Variants in PEPD observed in about 807,000 individuals in gnomAD.
PEPD encodes peptidase D.
PEPD carries 53 observed loss-of-function variants against 60.7 expected under a neutral mutation model. That is an observed-to-expected ratio of 0.87 (90% confidence interval 0.70 to 1.10). The LOEUF (loss-of-function observed/expected upper bound fraction) is 1.10. Ranked by LOEUF, PEPD falls within the 50% of genes least tolerant of loss-of-function variation. The probability of loss-of-function intolerance (pLI) is 0.00; values close to 1 mark genes in which losing one functional copy is unlikely to be tolerated. For missense variants in PEPD, 711 were observed against 711.9 expected, an observed-to-expected ratio of 1.00 and a Z score of 0.01; for synonymous variants, 267 against 284.1, an observed-to-expected ratio of 0.94 and a Z score of 0.60.
intron 9 of PEPD, among the ~76,000 whole-genome samples, chr19:33,442,060 C>A (rs1969488330): frequency 6.6e-6 from 1 of 152,194 alleles, no homozygotes; most frequent in African/African-American, 2.4e-5. Flanking sequence ...TGATCTTGGA[C>A]AGGTTACTGA....
chr19:33,398,968 C>T (rs542090716), intron 12 of PEPD, among the ~76,000 whole-genome samples: 4 of 152,306 alleles, frequency 2.6e-5, no homozygotes, highest in African/African-American at 9.6e-5. Flanking sequence ...TATATTCATA[C>T]TCAGGGGTGG....
chr19:33,498,276 T>C (rs1970645999), intron 4 of PEPD, among the ~76,000 whole-genome samples: 1 of 152,174 alleles, frequency 6.6e-6, no homozygotes, highest in Non-Finnish European at 1.5e-5. Flanking sequence ...AAAGAGATTC[T>C]AGCCTTTGAA....
intron 9 of PEPD, among the ~76,000 whole-genome samples, chr19:33,440,537 C>A (rs1204631553): frequency 6.6e-6 from 1 of 152,086 alleles, no homozygotes; most frequent in East Asian, 1.9e-4. Flanking sequence ...TCAGTCCTCT[C>A]CTCTGCCCGA....
chr19:33,390,603 G>T lies in PEPD; in HGVS notation c.1152+692C>A, dbSNP rs1301427360. Among the ~76,000 whole-genome samples the T allele has an allele frequency of 2.7e-5, 4 of 148,272 alleles. No homozygotes were observed. The East Asian group carries it at 7.7e-4, about 29-fold the overall frequency. On this transcript the variant is annotated intron_variant, in intron 13 of 14. Transcript: ENST00000244137. ...CAGCCCGCCAAGGGCAGGGATGGGA[G>T]CGCCCCAGCCGCCCAGCCGAGAGGC...
rs1005475390 is a variant in PEPD, at chr19:33,463,048, G to A, written c.625-7C>T. ...CTTTTACAGCCTTCATTACCTGGAG[G>A]ACGGATATTAAGCAAAGACATTTGT... On this transcript the variant is annotated splice_polypyrimidine_tract_variant and splice_region_variant and intron_variant, in intron 8 of 14. Transcript: ENST00000244137. The A allele has an allele frequency of 1.9e-6, 3 of 1,563,914 alleles. No individual in the cohort carries two copies. The highest frequency in any genetic ancestry group is 2.6e-6 in the Non-Finnish European group (3 of 1,134,308).
chr19:33,413,599 C>T lies in PEPD; in HGVS notation c.716G>A (p.Ser239Asn). 1 of 1,585,832 alleles carries T rather than the reference C, an allele frequency of 6.3e-7. No individual in the cohort carries two copies. Among genetic ancestry groups the T allele is most frequent in the Non-Finnish European group, 8.6e-7 (1 of 1,165,498 alleles). ...CCTGCCGCAGATGCAGGTGTAGGAG[C>T]TGTGGCGCATGCCGCCCCGGGAGTA... ...YCYSRGGMRH[S>N]SYTCICGSGE... Residue 239 changes from serine (S) to asparagine (N), a missense_variant, in exon 10 of 15, where the codon AGC becomes AAC. Transcript: ENST00000244137.
At chr19:33,516,192 C>T (rs1179200781) in intron 1 of PEPD, among the ~76,000 whole-genome samples, 2 of 152,086 alleles carry the variant, frequency 1.3e-5, no homozygotes, top group Non-Finnish European at 2.9e-5. Context: ...TGGCATAAAC[C>T]AAGCCCCCAG....
chr19:33,519,111 G>T (rs1209081332), intron 1 of PEPD, among the ~76,000 whole-genome samples: 1 of 152,112 alleles, frequency 6.6e-6, no homozygotes, highest in Non-Finnish European at 1.5e-5. Flanking sequence ...CATTGCTTAA[G>T]GAGACAGCAG....
At chr19:33,388,498 C>T (rs1968133689) in intron 13 of PEPD, 1 of 315,074 alleles carries the variant, frequency 3.2e-6, no homozygotes, top group Non-Finnish European at 6.2e-6. Flanking sequence ...CCCTTGGGGC[C>T]ACAGCTTTCC....
intron 11 of PEPD, among the ~76,000 whole-genome samples, chr19:33,404,760 G>A (rs1267563049): frequency 1.3e-5 from 2 of 152,120 alleles, no homozygotes; most frequent in South Asian, 2.1e-4. Context: ...AGCGAGGCTC[G>A]GGTATGGAGC....
intron 11 of PEPD, among the ~76,000 whole-genome samples, chr19:33,409,227 C>G (rs1287832133): frequency 6.6e-6 from 1 of 152,262 alleles, no homozygotes; most frequent in Non-Finnish European, 1.5e-5. Context: ...CTCATGGCCA[C>G]GTGGCTCTGG....
At chr19:33,434,107 T>G (rs994887909) in intron 9 of PEPD, among the ~76,000 whole-genome samples, 1 of 152,204 alleles carries the variant, frequency 6.6e-6, no homozygotes, top group Non-Finnish European at 1.5e-5. Flanking sequence ...AGTGGGATGG[T>G]ACGTGCCTTT....
intron 6 of PEPD, among the ~76,000 whole-genome samples, chr19:33,479,488 T>C (rs1489278030): frequency 6.6e-6 from 1 of 152,106 alleles, no homozygotes; most frequent in Non-Finnish European, 1.5e-5. Context: ...GGGGCTTTGT[T>C]GTACAGATTA....
chr19:33,391,400 G>T lies in PEPD; in HGVS notation c.1047C>A (p.Gly349=). Reference sequence around the variant, plus strand: ...GAGCCTGGACCATGGCGTCCACGCTGCCGCTCAGGATGCCCATGTGGGCCA... The same window carrying T: ...GAGCCTGGACCATGGCGTCCACGCTTCCGCTCAGGATGCCCATGTGGGCCA... ...EELAHMGILS[G]SVDAMVQAHL... Residue 349 remains glycine (G), a synonymous_variant, in exon 13 of 15, where the codon GGC becomes GGA. Coordinates refer to ENST00000244137, the MANE Select transcript of PEPD (RefSeq NM_000285.4). 2 of 1,587,758 alleles carry T rather than the reference G, an allele frequency of 1.3e-6. No homozygotes were observed. The highest frequency in any genetic ancestry group is 1.3e-5 in the African/African-American group (1 of 74,678).
intron 9 of PEPD, among the ~76,000 whole-genome samples, chr19:33,419,931 A>T (rs1033037165): frequency 6.6e-6 from 1 of 152,248 alleles, no homozygotes; most frequent in Admixed American, 6.5e-5. Context: ...GCAGCGGCCA[A>T]GACAGCAGCG....
At chr19:33,456,221 G>A (rs772178985) in intron 9 of PEPD, among the ~76,000 whole-genome samples, 11 of 152,236 alleles carry the variant, frequency 7.2e-5, no homozygotes, top group Admixed American at 6.5e-4. Context: ...CTCCACACTC[G>A]CCTGTCCCCA....
chr19:33,510,095 C>T (rs1290019639), intron 3 of PEPD, among the ~76,000 whole-genome samples: 3 of 152,340 alleles, frequency 2.0e-5, no homozygotes, highest in South Asian at 2.1e-4. Flanking sequence ...GCAGGAGTGA[C>T]GGCCTCGCAG....
At chr19:33,506,237 C>A (rs1600171030) in intron 3 of PEPD, among the ~76,000 whole-genome samples, 1 of 147,812 alleles carries the variant, frequency 6.8e-6, no homozygotes, top group East Asian at 2.1e-4. Flanking sequence ...CACCCACACA[C>A]AAGACAGCAC....
intron 9 of PEPD, among the ~76,000 whole-genome samples, chr19:33,455,505 CT>C (rs1171732305): frequency 2.0e-5 from 3 of 150,424 alleles, no homozygotes; most frequent in Non-Finnish European, 3.0e-5. Context: ...GCTTTTTTTT[CT>C]CTTTTTTTTT....
Sources: allele counts gnomAD v4.1 joint callset (sites outside exome capture counted in the v4.1 genomes callset), GRCh38; gene constraint gnomAD v4.1.1; transcripts MANE v1.5; gene names NCBI Gene and HGNC (gene_info 2026-07-23, HGNC 2026-07-21).